The following SGCD variants were observed in gnomAD, a reference collection of about 807,000 sequenced individuals.
SGCD encodes the protein delta-sarcoglycan.
A neutral mutation model predicts 36.6 loss-of-function variants in SGCD; 18 were observed. That is an observed-to-expected ratio of 0.49 (90% CI 0.34 to 0.73). The LOEUF (loss-of-function observed/expected upper bound fraction) is 0.73, where lower values mean the gene tolerates loss of function less well. SGCD is among the 30% of genes least tolerant of loss of function. The pLI is 0.01. For synonymous variants in SGCD, 133 were observed against 130.6 expected (o/e 1.02, Z -0.12); for missense variants, 387 against 346.7 (o/e 1.12, Z -0.92).
intron 1 of SGCD, among the ~76,000 whole-genome samples, chr5:155,952,562 T>C (rs1055829570): frequency 6.6e-6 from 1 of 152,132 alleles, no homozygotes; most frequent in African/African-American, 2.4e-5. Flanking sequence ...GTGGTTGCTG[T>C]GATGCTGAAA....
chr5:156,683,681 G>A (rs1445775927), intron 7 of SGCD, among the ~76,000 whole-genome samples: 4 of 152,170 alleles, frequency 2.6e-5, no homozygotes, highest in African/African-American at 9.6e-5. Flanking sequence ...CTTGAACTTT[G>A]CATTTGCATA....
At chr5:156,186,303 G>T (rs1763759361) in intron 3 of SGCD, among the ~76,000 whole-genome samples, 1 of 152,028 alleles carries the variant, frequency 6.6e-6, no homozygotes, top group African/African-American at 2.4e-5. Context: ...GGTAGTTGGG[G>T]GTGAAGATGG....
chr5:156,390,214 T>TA (rs59950725), intron 3 of SGCD, among the ~76,000 whole-genome samples: 109,212 of 150,670 alleles, frequency 0.72, 39,661 homozygotes, highest in Middle Eastern at 0.86. Context: ...TTCTGTTTAT[T>TA]AAAAAAAAAA....
chr5:155,958,560 A>G (rs757767704), intron 1 of SGCD, among the ~76,000 whole-genome samples: 1 of 152,138 alleles, frequency 6.6e-6, no homozygotes, highest in Non-Finnish European at 1.5e-5. Context: ...TTAAAAGAAA[A>G]AGAACATCAC....
intron 3 of SGCD, among the ~76,000 whole-genome samples, chr5:156,199,851 C>A (rs1339016640): frequency 6.6e-6 from 1 of 152,022 alleles, no homozygotes; most frequent in Admixed American, 6.6e-5. Flanking sequence ...TCTTGCCACC[C>A]ACCCAGAGAA....
intron 1 of SGCD, among the ~76,000 whole-genome samples, chr5:156,077,596 T>C (rs954186917): frequency 2.6e-5 from 4 of 152,144 alleles, no homozygotes; most frequent in African/African-American, 7.2e-5. Flanking sequence ...ACTCATGGGG[T>C]ATATCATATG....
intron 1 of SGCD, among the ~76,000 whole-genome samples, chr5:155,910,114 G>A (rs760277345): frequency 2.6e-5 from 4 of 152,020 alleles, no homozygotes; most frequent in Non-Finnish European, 4.4e-5. Context: ...GTACAGAGGT[G>A]CATAGTTGGG....
intron 2 of SGCD, among the ~76,000 whole-genome samples, chr5:156,337,444 C>T (rs766253765): frequency 8.5e-5 from 13 of 152,114 alleles, no homozygotes; most frequent in African/African-American, 2.7e-4. Flanking sequence ...GGAGGTGCCC[C>T]ACCTCTTTCT....
At chr5:156,525,087 C>T (rs1757588456) in intron 4 of SGCD, among the ~76,000 whole-genome samples, 1 of 152,036 alleles carries the variant, frequency 6.6e-6, no homozygotes, top group Non-Finnish European at 1.5e-5. Context: ...GATATGTACC[C>T]AGAAGTGGGA....
chr5:156,229,624 A>G (rs1213798808), intron 3 of SGCD, among the ~76,000 whole-genome samples: 3 of 152,028 alleles, frequency 2.0e-5, no homozygotes, highest in Admixed American at 6.6e-5. Flanking sequence ...AACTTTAGAT[A>G]ACCTGATGAC....
chr5:156,489,808 C>G (rs905897149), intron 3 of SGCD, among the ~76,000 whole-genome samples: 1 of 151,438 alleles, frequency 6.6e-6, no homozygotes, highest in African/African-American at 2.4e-5. Context: ...TGATACACAA[C>G]CTCAAGAAAA....
intron 3 of SGCD, among the ~76,000 whole-genome samples, chr5:156,151,470 C>T (rs781078506): frequency 2.0e-5 from 3 of 151,630 alleles, no homozygotes; most frequent in Non-Finnish European, 2.9e-5. Flanking sequence ...TTATTTACTG[C>T]ACTTTTATTC....
At chr5:155,856,207 T>C in the SGCD span, among the ~76,000 whole-genome samples, 1 of 152,116 alleles carries the variant, frequency 6.6e-6, no homozygotes, top group Non-Finnish European at 1.5e-5. Context: ...ACACGCACTA[T>C]ACATTCTAAA....
At chr5:155,816,328 T>C in the SGCD span, among the ~76,000 whole-genome samples, 2 of 152,138 alleles carry the variant, frequency 1.3e-5, no homozygotes, top group African/African-American at 2.4e-5. Flanking sequence ...GATAACCGAT[T>C]AACATATTTT....
At chr5:156,257,200 C>T (rs554182724) in intron 3 of SGCD, among the ~76,000 whole-genome samples, 48 of 145,630 alleles carry the variant, frequency 3.3e-4, no homozygotes, top group African/African-American at 1.2e-3. Context: ...AAAGGCCAGG[C>T]GCAGTGGCTC....
chr5:156,647,026 T>C (rs1402091164), intron 6 of SGCD, among the ~76,000 whole-genome samples: 1 of 152,208 alleles, frequency 6.6e-6, no homozygotes, highest in Non-Finnish European at 1.5e-5. Context: ...AATACTTCAC[T>C]GTTCTACCAT....
intron 3 of SGCD, among the ~76,000 whole-genome samples, chr5:156,477,255 G>C (rs771821410): frequency 6.6e-6 from 1 of 152,084 alleles, no homozygotes; most frequent in African/African-American, 2.4e-5. Context: ...ATAATACTTT[G>C]GGAGATCCGG....
At chr5:156,590,404 C>T (rs558000786) in intron 5 of SGCD, among the ~76,000 whole-genome samples, 2 of 152,270 alleles carry the variant, frequency 1.3e-5, no homozygotes, top group Admixed American at 6.5e-5. Flanking sequence ...GGAACTGCTG[C>T]CCGGCAGAGC....
chr5:156,466,759 C>G (rs115599582), intron 3 of SGCD, among the ~76,000 whole-genome samples: 2,961 of 152,220 alleles, frequency 0.019, 33 homozygotes, highest in Non-Finnish European at 0.032. Flanking sequence ...ACTTTTAGAT[C>G]CCCCACAAAA....
Sources: gnomAD v4.1 joint callset for allele counts (sites outside exome capture counted in the v4.1 genomes callset) on GRCh38, gnomAD v4.1.1 for gene constraint, MANE v1.5 for transcripts, NCBI Gene and HGNC (gene_info 2026-07-23, HGNC 2026-07-21) for gene names.